Variants in TSHZ2 observed in about 807,000 individuals in gnomAD.
TSHZ2 encodes the protein teashirt zinc finger homeobox 2, also known as teashirt homolog 2.
TSHZ2 carries 21 observed loss-of-function variants against 74.4 expected under a neutral mutation model. That is an observed-to-expected ratio of 0.28 (90% CI 0.20 to 0.41). The LOEUF (loss-of-function observed/expected upper bound fraction) is 0.41. TSHZ2 is among the 10% of genes least tolerant of loss of function. The pLI is 1.00. For synonymous variants in TSHZ2, 540 were observed against 515.3 expected, an observed-to-expected ratio of 1.05 and a Z score of -0.65; for missense variants, 1,244 against 1,293.5, an observed-to-expected ratio of 0.96 and a Z score of 0.59.
At chr20:53,469,824 A>C (rs1568932243) in intron 2 of TSHZ2, among the ~76,000 whole-genome samples, 3 of 128,086 alleles carry the variant, frequency 2.3e-5, no homozygotes, top group African/African-American at 5.8e-5. Context: ...AAGATAGAGA[A>C]AGAGAGAGGG....
At chr20:53,065,600 G>C (rs969756157) in intron 1 of TSHZ2, among the ~76,000 whole-genome samples, 21 of 152,172 alleles carry the variant, frequency 1.4e-4, no homozygotes, top group African/African-American at 3.6e-4. Context: ...TAAATGGTTG[G>C]ATTTGTCCTG....
At position 52,980,816 on chromosome 20, in the gene TSHZ2, G is replaced by C. The variant is rs142615068; in HGVS notation, c.40+7483G>C. On this transcript the variant is annotated intron_variant, in intron 1 of 2. Coordinates refer to ENST00000371497, the MANE Select transcript of TSHZ2 (RefSeq NM_173485.6). The stretch of plus-strand genomic sequence containing the variant: ...CAAGGTCTTCTATAGGGGAAAAATG[G>C]CTTGTGTAAGTGAGAGCAGTGGCAT... 5.4e-4 allele frequency among the ~76,000 whole-genome samples: 82 copies of C among 152,244 alleles called. 1 individual carries two copies. Among genetic ancestry groups the C allele is most frequent in the Admixed American group, 3.5e-3 (54 of 15,292 alleles).
intron 1 of TSHZ2, among the ~76,000 whole-genome samples, chr20:53,112,109 A>G (rs1204177397): frequency 6.6e-6 from 1 of 152,188 alleles, no homozygotes; most frequent in Non-Finnish European, 1.5e-5. Context: ...AAACCAGGTA[A>G]TAGGAGCAAG....
chr20:53,249,383 T>C (rs939286808), intron 1 of TSHZ2, among the ~76,000 whole-genome samples: 1 of 152,188 alleles, frequency 6.6e-6, no homozygotes, highest in African/African-American at 2.4e-5. Context: ...GGGAGGAGCA[T>C]TCTGACTGCA....
chr20:53,379,395 G>A (rs1981779974), intron 2 of TSHZ2, among the ~76,000 whole-genome samples: 1 of 152,014 alleles, frequency 6.6e-6, no homozygotes, highest in African/African-American at 2.4e-5. Context: ...AAATAAATAA[G>A]TAAATAAATA....
intron 1 of TSHZ2, among the ~76,000 whole-genome samples, chr20:53,072,741 G>C (rs980250044): frequency 3.3e-5 from 5 of 152,178 alleles, no homozygotes; most frequent in Admixed American, 6.5e-5. Flanking sequence ...TTGGAACCTA[G>C]AAAGTATGGG....
intron 2 of TSHZ2, among the ~76,000 whole-genome samples, chr20:53,391,639 A>G (rs535520776): frequency 1.3e-5 from 2 of 152,268 alleles, no homozygotes; most frequent in East Asian, 3.9e-4. Context: ...TATTTAAGCA[A>G]TGATATTAAG....
chr20:53,065,035 G>A (rs1047350043), intron 1 of TSHZ2, among the ~76,000 whole-genome samples: 5 of 152,104 alleles, frequency 3.3e-5, no homozygotes, highest in African/African-American at 1.2e-4. Context: ...TTCGAAAATC[G>A]GTACATAAGT....
intron 2 of TSHZ2, among the ~76,000 whole-genome samples, chr20:53,462,463 T>C (rs1985408982): frequency 6.6e-6 from 1 of 152,180 alleles, no homozygotes. Flanking sequence ...CTCCACGCTG[T>C]TGGTCAATAA....
intron 1 of TSHZ2, among the ~76,000 whole-genome samples, chr20:52,982,623 G>A (rs527752411): frequency 2.0e-5 from 3 of 152,278 alleles, no homozygotes; most frequent in African/African-American, 2.4e-5. Flanking sequence ...GAATAGAGAT[G>A]CCCCTGCCCT....
In TSHZ2 at chr20:53,494,675, G is replaced by C. The variant is rs1986536874; in HGVS notation, c.*7540G>C. 1 of 149,284 alleles carries C rather than the reference G, an allele frequency of 6.7e-6. No homozygotes were observed. The highest frequency in any genetic ancestry group is 2.5e-5 in the African/African-American group (1 of 40,460). 9.2% of individuals were successfully genotyped at this position (149,284 alleles called of 1,614,324 possible). A position where few individuals can be genotyped will look rare whatever the true frequency, so the allele number is the denominator to read the frequency against. On this transcript the variant is annotated 3_prime_UTR_variant, in exon 3 of 3. Transcript: ENST00000371497. ...GGAAAATCATTCTACTTTGAGAACT[G>C]TAATTAAAGCCCTAAATAACAGACA...
In TSHZ2 at chr20:53,204,092, T is replaced by C. The variant is rs1480093707; in HGVS notation, c.41-49407T>C. On this transcript the variant is annotated intron_variant, in intron 1 of 2. Transcript: ENST00000371497. ...TTATATGATACTATTTATATCATCATATGATGATATGATATACTATATCAT... is the reference window on the plus strand; with the variant it reads ...TTATATGATACTATTTATATCATCACATGATGATATGATATACTATATCAT... 4.7e-4 allele frequency among the ~76,000 whole-genome samples: 44 copies of C among 94,610 alleles called. 2 individuals are homozygous for C. The highest frequency in any genetic ancestry group is 1.3e-3 in the African/African-American group (41 of 31,238). 62.1% of individuals were successfully genotyped at this position (94,610 alleles called of 152,430 possible).
chr20:53,435,686 T>C (rs1984028455), intron 2 of TSHZ2, among the ~76,000 whole-genome samples: 1 of 152,160 alleles, frequency 6.6e-6, no homozygotes, highest in Non-Finnish European at 1.5e-5. Flanking sequence ...GCTAATTTTT[T>C]GTATTTTTAG....
intron 2 of TSHZ2, among the ~76,000 whole-genome samples, chr20:53,392,040 T>C (rs1982277163): frequency 2.0e-5 from 3 of 152,230 alleles, no homozygotes; most frequent in Admixed American, 2.0e-4. Context: ...TGCACAAATA[T>C]GTTCACTGTG....
At chr20:53,251,860 A>C (rs1055638309) in intron 1 of TSHZ2, among the ~76,000 whole-genome samples, 1 of 152,182 alleles carries the variant, frequency 6.6e-6, no homozygotes, top group Non-Finnish European at 1.5e-5. Context: ...GGTCTCATCA[A>C]AGGGTTCTTC....
chr20:53,232,595 A>G (rs979072690), intron 1 of TSHZ2, among the ~76,000 whole-genome samples: 4 of 152,220 alleles, frequency 2.6e-5, no homozygotes, highest in Non-Finnish European at 5.9e-5. Context: ...TGAATTAGCC[A>G]GGTCCTCTTC....
At position 53,218,386 on chromosome 20, in the gene TSHZ2, C is replaced by T. The variant is rs539981390; in HGVS notation, c.41-35113C>T. Among the ~76,000 whole-genome samples the T allele has an allele frequency of 1.2e-4, 18 of 152,292 alleles. No individual in the cohort carries two copies. The East Asian group carries it at 3.5e-3, about 29-fold the overall frequency. On this transcript the variant is annotated intron_variant, in intron 1 of 2. Transcript: ENST00000371497. ...ACAGGGGCAAATGAATTCGGCTTGCCGACTTATTTGTTCGGCCCACACAAA... is the reference window on the plus strand; with the variant it reads ...ACAGGGGCAAATGAATTCGGCTTGCTGACTTATTTGTTCGGCCCACACAAA...
At chr20:53,412,816 C>T (rs1205011126) in intron 2 of TSHZ2, 1 of 152,360 alleles carries the variant, frequency 6.6e-6, no homozygotes, top group Non-Finnish European at 1.5e-5. Flanking sequence ...GTCAGCTGAT[C>T]CAAGCAAGCG....
intron 1 of TSHZ2, among the ~76,000 whole-genome samples, chr20:53,186,824 G>A (rs1206744009): frequency 1.3e-5 from 2 of 152,100 alleles, no homozygotes; most frequent in African/African-American, 4.8e-5. Context: ...ACTTGGGGGA[G>A]AGTTACTTCT....
Sources: allele counts gnomAD v4.1 joint callset (sites outside exome capture counted in the v4.1 genomes callset), GRCh38; gene constraint gnomAD v4.1.1; transcripts MANE v1.5; gene names NCBI Gene and HGNC (gene_info 2026-07-23, HGNC 2026-07-21).